Variants in NKAIN3 observed in about 807,000 individuals in gnomAD.
The protein encoded by NKAIN3 is sodium/potassium-transporting ATPase subunit beta-1-interacting protein 3.
Under a neutral mutation model 30.2 loss-of-function variants are expected in NKAIN3, and 25 were observed. The observed-to-expected ratio is 0.83, with a 90% CI of 0.60 to 1.16. The LOEUF is 1.16. Among genes scored for constraint, NKAIN3 ranks in the 50% most tolerant of loss-of-function variants. The probability of loss-of-function intolerance (pLI) is 0.00; values close to 1 mark genes in which losing one functional copy is unlikely to be tolerated. For missense variants in NKAIN3, 225 were observed against 254.1 expected (o/e 0.89, Z 0.78); for synonymous variants, 91 against 89.6 (o/e 1.02, Z -0.09).
At chr8:62,961,893 C>T (rs182431101) in intron 6 of NKAIN3, among the ~76,000 whole-genome samples, 56 of 152,140 alleles carry the variant, frequency 3.7e-4, no homozygotes, top group Middle Eastern at 3.4e-3. Context: ...ATTACATTAT[C>T]GATGCTTACA....
At chr8:62,812,394 A>T (rs751033944) in intron 4 of NKAIN3, among the ~76,000 whole-genome samples, 6 of 151,926 alleles carry the variant, frequency 3.9e-5, no homozygotes, top group Non-Finnish European at 8.8e-5. Flanking sequence ...TAAAAATTGC[A>T]TCAAATCTAC....
chr8:62,598,696 C>T (rs1037516411), intron 3 of NKAIN3, among the ~76,000 whole-genome samples: 21 of 151,948 alleles, frequency 1.4e-4, no homozygotes, highest in Admixed American at 1.2e-3. Flanking sequence ...AATTCATGTC[C>T]CTTCTAATTC....
At chr8:62,415,539 G>A (rs1265000908) in intron 1 of NKAIN3, among the ~76,000 whole-genome samples, 1 of 150,008 alleles carries the variant, frequency 6.7e-6, no homozygotes, top group Non-Finnish European at 1.5e-5. Context: ...AATATTAACT[G>A]CATATAGACT....
At position 62,745,599 on chromosome 8, in the gene NKAIN3, A is replaced by G. The variant is rs562191303; in HGVS notation, c.274-1333A>G. The stretch of plus-strand genomic sequence containing the variant: ...TCAATCTATTGTTTATGACCACAAC[A>G]TTATGATCTTAGCCCTTCATACATT... On this transcript the variant is annotated intron_variant, in intron 3 of 6. Coordinates refer to ENST00000623646, the MANE Select transcript of NKAIN3 (RefSeq NM_001304533.3). Among the ~76,000 whole-genome samples, 109 of 152,324 alleles carry G rather than the reference A, an allele frequency of 7.2e-4. 1 individual carries two copies. Among genetic ancestry groups the G allele is most frequent in the African/African-American group, 2.5e-3 (105 of 41,564 alleles).
chr8:62,908,407 T>C (rs182749520), intron 4 of NKAIN3, among the ~76,000 whole-genome samples: 31 of 152,294 alleles, frequency 2.0e-4, no homozygotes, highest in African/African-American at 7.0e-4. Flanking sequence ...TGGGAAGGCA[T>C]GATTCATTTT....
At chr8:62,710,459 C>T (rs1842340) in intron 3 of NKAIN3, among the ~76,000 whole-genome samples, 134,613 of 152,174 alleles carry the variant, frequency 0.88, 59,703 homozygotes, top group African/African-American at 0.91. Flanking sequence ...CAAGGCCTTT[C>T]ACCATTATAT....
At chr8:62,909,276 G>A (rs1043919929) in intron 4 of NKAIN3, among the ~76,000 whole-genome samples, 9 of 152,156 alleles carry the variant, frequency 5.9e-5, no homozygotes, top group Non-Finnish European at 1.0e-4. Context: ...GAGTTAGAAT[G>A]TAGCTTTATG....
rs1234547956 is a variant in NKAIN3, at chr8:62,972,299, G to A, written c.*6892G>A. Among the ~76,000 whole-genome samples the A allele has an allele frequency of 6.6e-6, 1 of 151,978 alleles. No individual in the cohort carries two copies. Among genetic ancestry groups the A allele is most frequent in the East Asian group, 1.9e-4 (1 of 5,186 alleles). ...CATAATATCGGCTGAAGTGGAATGA[G>A]TATTCAAATTGTCCAAAAAAATATA... On this transcript the variant is annotated 3_prime_UTR_variant, in exon 7 of 7. Transcript: ENST00000623646.
chr8:62,419,573 T>G (rs1191773992), intron 1 of NKAIN3, among the ~76,000 whole-genome samples: 1 of 152,182 alleles, frequency 6.6e-6, no homozygotes, highest in African/African-American at 2.4e-5. Flanking sequence ...TGCTAATAGG[T>G]TGTACATTCA....
intron 3 of NKAIN3, among the ~76,000 whole-genome samples, chr8:62,685,253 T>C (rs949899552): frequency 6.6e-6 from 1 of 152,172 alleles, no homozygotes; most frequent in Non-Finnish European, 1.5e-5. Flanking sequence ...CAAACTGGAT[T>C]CAAGAAGACT....
chr8:62,294,605 T>A (rs1253169519), intron 1 of NKAIN3, among the ~76,000 whole-genome samples: 1 of 152,168 alleles, frequency 6.6e-6, no homozygotes, highest in Non-Finnish European at 1.5e-5. Flanking sequence ...AGGTGTGCAG[T>A]GACAAGATCA....
downstream of NKAIN3, among the ~76,000 whole-genome samples, chr8:62,985,328 G>C (rs1400076992): frequency 6.6e-6 from 1 of 152,156 alleles, no homozygotes; most frequent in African/African-American, 2.4e-5. Context: ...AAGGTTTTGT[G>C]GTAAATATAC....
At chr8:62,317,400 T>A (rs1367106648) in intron 1 of NKAIN3, among the ~76,000 whole-genome samples, 2 of 152,238 alleles carry the variant, frequency 1.3e-5, no homozygotes, top group East Asian at 1.9e-4. Context: ...AGGGTTTTTA[T>A]GGATTTAGGT....
chr8:62,565,777 C>T (rs1210457239), intron 1 of NKAIN3, among the ~76,000 whole-genome samples: 2 of 152,106 alleles, frequency 1.3e-5, no homozygotes, highest in South Asian at 2.1e-4. Context: ...ATACACTGAA[C>T]CGAACCTACT....
chr8:62,911,340 C>G (rs1821920356), intron 4 of NKAIN3, among the ~76,000 whole-genome samples: 1 of 152,102 alleles, frequency 6.6e-6, no homozygotes. Context: ...TGGGATTTAA[C>G]TTACCTGAGT....
At chr8:62,321,824 C>T (rs542003259) in intron 1 of NKAIN3, among the ~76,000 whole-genome samples, 13 of 152,148 alleles carry the variant, frequency 8.5e-5, no homozygotes, top group African/African-American at 2.2e-4. Flanking sequence ...TCTCCAGCTG[C>T]GTGCTGGGAG....
intron 2 of NKAIN3, among the ~76,000 whole-genome samples, chr8:62,585,803 T>G (rs1810453460): frequency 6.6e-6 from 1 of 152,176 alleles, no homozygotes; most frequent in South Asian, 2.1e-4. Context: ...ATAGACAGTA[T>G]GAAGCAGTGA....
chr8:62,637,990 C>T (rs1346147611), intron 3 of NKAIN3, among the ~76,000 whole-genome samples: 1 of 152,130 alleles, frequency 6.6e-6, no homozygotes, highest in Non-Finnish European at 1.5e-5. Context: ...GATTCACTAT[C>T]TCTGGGGGCT....
At chr8:62,986,623 A>T (rs1244184979), downstream of NKAIN3, among the ~76,000 whole-genome samples, 1 of 152,132 alleles carries the variant, frequency 6.6e-6, no homozygotes, top group African/African-American at 2.4e-5. Flanking sequence ...CTTCTCTTTC[A>T]TCTTTTGCCT....
Sources: gnomAD v4.1 joint callset for allele counts (sites outside exome capture counted in the v4.1 genomes callset) on GRCh38, gnomAD v4.1.1 for gene constraint, MANE v1.5 for transcripts, NCBI Gene and HGNC (gene_info 2026-07-23, HGNC 2026-07-21) for gene names.